Variants in ZMYND8 observed in about 807,000 individuals in gnomAD.
ZMYND8 encodes MYND-type zinc finger-containing chromatin reader ZMYND8.
In ZMYND8, 37 loss-of-function variants were observed where a neutral mutation model predicts 140.8. The ratio of observed to expected loss-of-function variants is 0.26; its 90% CI spans 0.20 to 0.35. The LOEUF is 0.35. ZMYND8 is among the 10% of genes least tolerant of loss of function. The pLI is 1.00. For missense variants in ZMYND8, 1,068 were observed against 1,570.0 expected, an observed-to-expected ratio of 0.68 and a Z score of 5.40; for synonymous variants, 592 against 597.1, an observed-to-expected ratio of 0.99 and a Z score of 0.12.
chr20:47,267,661 T>C (rs2075631560), intron 11 of ZMYND8, among the ~76,000 whole-genome samples: 1 of 152,142 alleles, frequency 6.6e-6, no homozygotes. Context: ...TGAGGGCATA[T>C]TGCTCCATCA....
chr20:47,346,227 C>T (rs1249990821), intron 2 of ZMYND8, among the ~76,000 whole-genome samples: 1 of 152,114 alleles, frequency 6.6e-6, no homozygotes, highest in African/African-American at 2.4e-5. Flanking sequence ...TGCTGGACCA[C>T]ATTTGATTCT....
At chr20:47,226,624 A>G (rs1270672143) in intron 18 of ZMYND8, among the ~76,000 whole-genome samples, 1 of 148,178 alleles carries the variant, frequency 6.7e-6, no homozygotes, top group Non-Finnish European at 1.5e-5. Context: ...CTTCCCTTGA[A>G]AACTGGGGAT....
chr20:47,350,583 G>GT (rs772672723), intron 1 of ZMYND8, among the ~76,000 whole-genome samples: 134 of 152,144 alleles, frequency 8.8e-4, no homozygotes, highest in Admixed American at 2.0e-3. Flanking sequence ...CCCCACTGAT[G>GT]TTGGTCAATT....
intron 8 of ZMYND8, among the ~76,000 whole-genome samples, chr20:47,286,800 G>C (rs2076951557): frequency 6.6e-6 from 1 of 152,174 alleles, no homozygotes; most frequent in African/African-American, 2.4e-5. Context: ...AAGAAAACAG[G>C]TTCTCCTGGA....
At chr20:47,267,589 T>C (rs1365759661) in intron 11 of ZMYND8, among the ~76,000 whole-genome samples, 1 of 152,050 alleles carries the variant, frequency 6.6e-6, no homozygotes, top group Non-Finnish European at 1.5e-5. Flanking sequence ...CTCCCCACCA[T>C]GTGCACAGCA....
chr20:47,300,930 GTGTGTTT>G (rs1397095847), intron 3 of ZMYND8, among the ~76,000 whole-genome samples: 2 of 141,324 alleles, frequency 1.4e-5, no homozygotes, highest in Non-Finnish European at 3.1e-5. Context: ...GTGTGTGTGT[GTGTGTTT>G]TGTTTTGTTT....
chr20:47,253,407 C>A (rs2074342724), intron 12 of ZMYND8, among the ~76,000 whole-genome samples: 1 of 152,040 alleles, frequency 6.6e-6, no homozygotes, highest in African/African-American at 2.4e-5. Flanking sequence ...CATGATGGCA[C>A]CTGCCTGTAA....
intron 12 of ZMYND8, among the ~76,000 whole-genome samples, chr20:47,259,771 G>A (rs944428379): frequency 2.6e-5 from 4 of 152,166 alleles, no homozygotes; most frequent in South Asian, 2.1e-4. Flanking sequence ...TTTGTTGAGT[G>A]AGGCTGTCCT....
chr20:47,293,192 CAGGCAGGCAGGCAGGCAGGCAGGCAGGG>C (rs2077411656), intron 5 of ZMYND8, among the ~76,000 whole-genome samples: 1 of 33,638 alleles, frequency 3.0e-5, no homozygotes, highest in Non-Finnish European at 4.7e-5. Flanking sequence ...GGGAGGCAGG[CAGGCAGGCAGGCAGGCAGGCAGGCAGGG>C]AGGGAGGGAG....
chr20:47,231,347 G>C (rs2038455042), intron 16 of ZMYND8, among the ~76,000 whole-genome samples: 1 of 152,252 alleles, frequency 6.6e-6, no homozygotes, highest in South Asian at 2.1e-4. Context: ...GCGGGACAAA[G>C]AGCAGCCTCC....
At chr20:47,321,616 GT>G (rs933010106) in intron 2 of ZMYND8, among the ~76,000 whole-genome samples, 1 of 152,152 alleles carries the variant, frequency 6.6e-6, no homozygotes, top group South Asian at 2.1e-4. Flanking sequence ...GATTCCTGAT[GT>G]TTCACCTGGT....
chr20:47,215,162 C>G (rs1402585158), intron 21 of ZMYND8, among the ~76,000 whole-genome samples: 2 of 152,156 alleles, frequency 1.3e-5, no homozygotes, highest in Non-Finnish European at 2.9e-5. Context: ...TGCCTGAGCT[C>G]AGGAGTTCGA....
chr20:47,353,690 T>C lies in ZMYND8; in HGVS notation c.14+2967A>G, dbSNP rs558039325. ...TTGCTCCTTGCAGCTGTGTATCCTC[T>C]TTGGGGACTGAGGAGGCAGAAGGAA... is the stretch of plus-strand genomic sequence containing the variant. On this transcript the variant is annotated intron_variant, in intron 1 of 22. Coordinates refer to ENST00000471951, the MANE Select transcript of ZMYND8 (RefSeq NM_001281775.3). The C allele has an allele frequency of 2.0e-5, 3 of 152,350 alleles. No individual in the cohort carries two copies. In the East Asian group the frequency reaches 5.8e-4, roughly 29 times the overall value. 9.4% of individuals were successfully genotyped at this position (152,350 alleles called of 1,614,324 possible). A position where few individuals can be genotyped will look rare whatever the true frequency, so the allele number is the denominator to read the frequency against.
intron 3 of ZMYND8, among the ~76,000 whole-genome samples, chr20:47,305,723 A>G (rs1235122747): frequency 1.3e-5 from 2 of 152,148 alleles, no homozygotes; most frequent in African/African-American, 4.8e-5. Context: ...GCTATATTTG[A>G]TCAAAGATGC....
chr20:47,309,957 A>C, intron 3 of ZMYND8, 99 bp downstream of exon 3: 2 of 1,529,656 alleles, frequency 1.3e-6, no homozygotes, highest in Non-Finnish European at 8.9e-7. Context: ...CAGCTAACTA[A>C]ATCCAAGAAA....
intron 22 of ZMYND8, among the ~76,000 whole-genome samples, chr20:47,212,109 G>C (rs1436887283): frequency 1.3e-5 from 2 of 152,198 alleles, no homozygotes; most frequent in Non-Finnish European, 2.9e-5. Context: ...TTCTCCGGAA[G>C]GACTCTGGGG....
At chr20:47,274,542 G>C (rs1016519518) in intron 11 of ZMYND8, among the ~76,000 whole-genome samples, 12 of 152,168 alleles carry the variant, frequency 7.9e-5, no homozygotes, top group Non-Finnish European at 1.8e-4. Flanking sequence ...GGCTTAAATG[G>C]AACCGTGTCA....
intron 2 of ZMYND8, among the ~76,000 whole-genome samples, chr20:47,312,171 A>ATGG (rs1569169432): frequency 6.6e-6 from 1 of 152,196 alleles, no homozygotes; most frequent in African/African-American, 2.4e-5. Context: ...TGTAGGCTGC[A>ATGG]TGGTGCATCT....
At chr20:47,242,276 G>A (rs1003429338) in intron 14 of ZMYND8, among the ~76,000 whole-genome samples, 5 of 152,142 alleles carry the variant, frequency 3.3e-5, no homozygotes, top group East Asian at 3.9e-4. Flanking sequence ...GATGGTTATC[G>A]AGATGTTGCT....
Sources: gnomAD v4.1 joint callset for allele counts (sites outside exome capture counted in the v4.1 genomes callset) on GRCh38, gnomAD v4.1.1 for gene constraint, MANE v1.5 for transcripts, NCBI Gene and HGNC (gene_info 2026-07-23, HGNC 2026-07-21) for gene names.